Variants in CYP4F11 observed in about 807,000 individuals in gnomAD.
CYP4F11 encodes cytochrome P450 4F11.
CYP4F11 carries 79 observed loss-of-function variants against 62.2 expected under a neutral mutation model. The observed-to-expected ratio is 1.27, with a 90% CI of 1.06 to 1.53. The LOEUF (loss-of-function observed/expected upper bound fraction) is 1.53, where lower values mean the gene tolerates loss of function less well. Ranked by LOEUF, CYP4F11 falls within the 40% of genes most tolerant of loss-of-function variation. The pLI, the probability that CYP4F11 is intolerant of heterozygous loss-of-function variation, is 0.00. For missense variants in CYP4F11, 777 were observed against 680.5 expected (o/e 1.14, Z -1.58); for synonymous variants, 290 against 263.7 (o/e 1.10, Z -0.97).
At chr19:15,932,403 A>AGTGAGCGG (rs2089734883) in intron 1 of CYP4F11, among the ~76,000 whole-genome samples, 2 of 6,742 alleles carry the variant, frequency 3.0e-4, no homozygotes, top group Non-Finnish European at 2.6e-4. Context: ...TGAGTGAGTG[A>AGTGAGCGG]GGAGAGGAAT....
At chr19:15,931,561 C>CGGG (rs2089719574) in intron 1 of CYP4F11, among the ~76,000 whole-genome samples, 4 of 61,556 alleles carry the variant, frequency 6.5e-5, no homozygotes, top group Non-Finnish European at 1.0e-4. Context: ...AATGAGTGAG[C>CGGG]GAGGAGAGGA....
At position 15,927,413 on chromosome 19, in the gene CYP4F11, T is replaced by C; in HGVS notation, c.397+17A>G. On this transcript the variant is annotated intron_variant, in intron 3 of 11. Transcript: ENST00000402119. ...CCCTAAAGGATATCCCCAACCCCAT[T>C]CACCTCAATTACTCACCCAGCCAGG... The C allele has an allele frequency of 6.2e-7, 1 of 1,613,954 alleles. No individual in the cohort carries two copies. Among genetic ancestry groups the C allele is most frequent in the Non-Finnish European group, 8.5e-7 (1 of 1,179,944 alleles).
chr19:15,917,320 A>T (rs1469997658), intron 8 of CYP4F11, among the ~76,000 whole-genome samples: 1 of 152,196 alleles, frequency 6.6e-6, no homozygotes, highest in East Asian at 1.9e-4. Context: ...TATTGAGTAC[A>T]GTGTACACTG....
At chr19:15,925,229 C>T (rs534553881) in intron 4 of CYP4F11, among the ~76,000 whole-genome samples, 3 of 152,310 alleles carry the variant, frequency 2.0e-5, no homozygotes, top group African/African-American at 7.2e-5. Context: ...AGAATCACTG[C>T]TCCACCACTC....
chr19:15,913,003 G>A lies in CYP4F11; in HGVS notation c.*729C>T, dbSNP rs2089550064. 6.6e-6 allele frequency: 1 copy of A among 151,746 alleles called. No homozygotes were observed. Among genetic ancestry groups the A allele is most frequent in the South Asian group, 2.1e-4 (1 of 4,806 alleles). 9.4% of individuals were successfully genotyped at this position (151,746 alleles called of 1,614,324 possible). ...GCTCCATATATTTAGCATTCATTGT[G>A]TGCCAGGCACAGCTCTGAGTCCCTT... On this transcript the variant is annotated 3_prime_UTR_variant, in exon 12 of 12. Transcript: ENST00000402119.
intron 5 of CYP4F11, 104 bp from the exon 6 acceptor site, chr19:15,924,186 G>T: frequency 7.1e-7 from 1 of 1,403,346 alleles, no homozygotes; most frequent in Non-Finnish European, 9.7e-7. Context: ...TCCAGAAACA[G>T]CCAGGAGACT....
At chr19:15,929,691 G>T in intron 1 of CYP4F11, 90 bp from the exon 2 acceptor site, 1 of 1,411,064 alleles carries the variant, frequency 7.1e-7, no homozygotes, top group Non-Finnish European at 9.6e-7. Context: ...CGAGCCAAGA[G>T]ATGCCCAGAT....
Position 15,922,096 on chromosome 19 carries a change from T to C in CYP4F11, c.1056A>G (p.Glu352=). Residue 352 remains glutamate (E), a synonymous_variant, in exon 8 of 12, where the codon GAA becomes GAG. Coordinates refer to ENST00000402119, the MANE Select transcript of CYP4F11 (RefSeq NM_021187.4). ...YHLAKHPEYQ[E]QCRQEVQELL... is the part of the protein sequence containing the mutation. ...GCTCTTGCACTTCTTGCCGGCACTG[T>C]TCCTGGTATTCTGGGTGCTTTGCAA... 1.9e-6 allele frequency: 3 copies of C among 1,614,074 alleles called. No homozygotes were observed. The highest frequency in any genetic ancestry group is 2.5e-6 in the Non-Finnish European group (3 of 1,179,982).
chr19:15,923,705 A>C (rs1377825698), intron 6 of CYP4F11, 107 bp downstream of exon 6: 4 of 1,446,342 alleles, frequency 2.8e-6, no homozygotes, highest in Non-Finnish European at 3.7e-6. Flanking sequence ...TTTTTCAAGC[A>C]TGTTCCATGG....
At chr19:15,919,843 G>C (rs1568482312) in intron 8 of CYP4F11, among the ~76,000 whole-genome samples, 1 of 152,162 alleles carries the variant, frequency 6.6e-6, no homozygotes, top group Non-Finnish European at 1.5e-5. Context: ...AATAGCAAAT[G>C]ATCTCAATTA....
chr19:15,921,054 GTCTCTCTCTC>G (rs60842401), intron 8 of CYP4F11, among the ~76,000 whole-genome samples: 1,920 of 122,132 alleles, frequency 0.016, 35 homozygotes, highest in African/African-American at 0.036. Flanking sequence ...CTCTCTTTCT[GTCTCTCTCTC>G]TCTCTCTCTC....
At chr19:15,926,313 C>T (rs2089668462) in intron 4 of CYP4F11, among the ~76,000 whole-genome samples, 1 of 152,186 alleles carries the variant, frequency 6.6e-6, no homozygotes, top group African/African-American at 2.4e-5. Flanking sequence ...GAACATGCTG[C>T]TTGCTATGCC....
chr19:15,925,498 C>T (rs1183703514), intron 4 of CYP4F11, among the ~76,000 whole-genome samples: 2 of 151,908 alleles, frequency 1.3e-5, no homozygotes, highest in South Asian at 2.1e-4. Flanking sequence ...GGGAACATTA[C>T]ACACTGGGTC....
chr19:15,914,814 G>A lies in CYP4F11; in HGVS notation c.1197C>T (p.Ser399=). Residue 399 remains serine (S), a synonymous_variant, in exon 9 of 12, where the codon TCC becomes TCT. Transcript: ENST00000402119. The part of the protein sequence containing the change: ...LRLHPPVPVI[S]RCCTQDFVLP... ...GCACAAAGTCCTGCGTGCAACATCG[G>A]GAGATGACCGGGACTGGGGGATGCA... is the stretch of plus-strand genomic sequence containing the variant. The A allele has an allele frequency of 6.2e-7, 1 of 1,614,128 alleles. No individual in the cohort carries two copies. The highest frequency in any genetic ancestry group is 8.5e-7 in the Non-Finnish European group (1 of 1,180,032).
At chr19:15,926,581 A>G (rs1021843735) in intron 4 of CYP4F11, among the ~76,000 whole-genome samples, 1 of 152,190 alleles carries the variant, frequency 6.6e-6, no homozygotes, top group Admixed American at 6.5e-5. Flanking sequence ...GAAACATTGC[A>G]GAGAAAATGT....
chr19:15,926,109 A>C (rs186027383), intron 4 of CYP4F11, among the ~76,000 whole-genome samples: 15 of 151,456 alleles, frequency 9.9e-5, no homozygotes, highest in Admixed American at 4.6e-4. Context: ...GCTTGCAGTG[A>C]GCAGAGATCA....
chr19:15,917,160 G>A (rs2089589547), intron 8 of CYP4F11, among the ~76,000 whole-genome samples: 1 of 152,126 alleles, frequency 6.6e-6, no homozygotes, highest in Non-Finnish European at 1.5e-5. Context: ...TCTAAGTGAA[G>A]TAACTCAAGA....
chr19:15,931,190 C>T (rs558644906), intron 1 of CYP4F11, among the ~76,000 whole-genome samples: 6 of 151,886 alleles, frequency 4.0e-5, no homozygotes, highest in East Asian at 3.9e-4. Flanking sequence ...AAGGAGGCAG[C>T]GGGAGACTGC....
Position 15,923,201 on chromosome 19 carries a change from G to A in CYP4F11, c.918+611C>T, listed in dbSNP as rs371236728. Reference sequence around the variant, plus strand: ...ACCTACAGGCATGTCGATCTCACTGGAAAGGAGTAGTTTTTATTCCAGAAC... The same window carrying A: ...ACCTACAGGCATGTCGATCTCACTGAAAAGGAGTAGTTTTTATTCCAGAAC... On this transcript the variant is annotated intron_variant, in intron 6 of 11. Transcript: ENST00000402119. 5.3e-4 allele frequency among the ~76,000 whole-genome samples: 80 copies of A among 150,010 alleles called. 1 individual carries two copies. The highest frequency in any genetic ancestry group is 6.8e-3 in the Middle Eastern group (2 of 292).
Sources: gnomAD v4.1 joint callset for allele counts (sites outside exome capture counted in the v4.1 genomes callset) on GRCh38, gnomAD v4.1.1 for gene constraint, MANE v1.5 for transcripts, NCBI Gene and HGNC (gene_info 2026-07-23, HGNC 2026-07-21) for gene names.